Variants in CSTF3 observed in about 807,000 individuals in gnomAD.
CSTF3 encodes CF-1 77 kDa subunit.
A neutral mutation model predicts 105.8 loss-of-function variants in CSTF3; 29 were observed. The ratio of observed to expected loss-of-function variants is 0.27; its 90% confidence interval spans 0.20 to 0.37. The LOEUF is 0.37. Among genes scored for constraint, CSTF3 ranks in the 10% least tolerant of loss-of-function variants. The pLI is 1.00. For synonymous variants in CSTF3, 252 were observed against 281.9 expected (o/e 0.89, Z 1.06); for missense variants, 357 against 879.3 (o/e 0.41, Z 7.51).
intron 1 of CSTF3, among the ~76,000 whole-genome samples, chr11:33,148,878 T>TA (rs370947203): frequency 2.0e-5 from 3 of 146,412 alleles, no homozygotes; most frequent in African/African-American, 8.1e-5. Context: ...TTTTTTTTTT[T>TA]AAAGAGACAG....
intron 3 of CSTF3, among the ~76,000 whole-genome samples, chr11:33,122,948 AAAAG>A (rs1204673391): frequency 6.7e-6 from 1 of 148,760 alleles, no homozygotes; most frequent in Non-Finnish European, 1.5e-5. Context: ...AAGAAAAAAG[AAAAG>A]AAAAGTATGT....
chr11:33,152,956 CAA>C (rs536758629), intron 1 of CSTF3, among the ~76,000 whole-genome samples: 1 of 133,634 alleles, frequency 7.5e-6, no homozygotes, highest in Admixed American at 7.6e-5. Flanking sequence ...ACTCCGCCTC[CAA>C]AAAAAAAAAT....
intron 8 of CSTF3, among the ~76,000 whole-genome samples, chr11:33,105,048 C>A (rs1855314524): frequency 6.6e-6 from 1 of 152,168 alleles, no homozygotes. Flanking sequence ...CATGCCCAGC[C>A]AAGGAACTTC....
chr11:33,110,184 G>A (rs571282108), intron 3 of CSTF3, among the ~76,000 whole-genome samples: 146 of 152,282 alleles, frequency 9.6e-4, no homozygotes, highest in Non-Finnish European at 1.0e-3. Flanking sequence ...CCTATTCACT[G>A]AAGCTGTGTT....
chr11:33,095,596 C>T (rs1001057035), intron 15 of CSTF3, among the ~76,000 whole-genome samples: 44 of 151,284 alleles, frequency 2.9e-4, no homozygotes, highest in Non-Finnish European at 3.5e-4. Flanking sequence ...CCGAGGCGGG[C>T]GGATCACGAG....
At chr11:33,094,273 A>G (rs1049205111) in intron 15 of CSTF3, among the ~76,000 whole-genome samples, 10 of 152,232 alleles carry the variant, frequency 6.6e-5, no homozygotes, top group African/African-American at 2.4e-4. Flanking sequence ...TATTCTTATT[A>G]TGACCATTAT....
rs191569607 is a variant in CSTF3 at position 33,152,034 on chromosome 11, T to C, written c.27+9265A>G. ...TCAAATATTTTGCCCATTTAAAAAC[T>C]GGACTTATCAGGAGTTTGAGACCAG... On this transcript the variant is annotated intron_variant, in intron 1 of 20. Coordinates refer to ENST00000323959, the MANE Select transcript of CSTF3 (RefSeq NM_001326.3). Among the ~76,000 whole-genome samples the C allele has an allele frequency of 3.9e-5, 6 of 152,284 alleles. No homozygotes were observed. In the South Asian group the frequency reaches 8.3e-4, roughly 21 times the overall value.
At chr11:33,095,062 C>T (rs779636153) in intron 15 of CSTF3, among the ~76,000 whole-genome samples, 1 of 152,112 alleles carries the variant, frequency 6.6e-6, no homozygotes, top group Non-Finnish European at 1.5e-5. Flanking sequence ...CCACGCCCAG[C>T]TAATTTTTTA....
At chr11:33,110,681 A>G (rs1316132153) in intron 3 of CSTF3, among the ~76,000 whole-genome samples, 1 of 152,248 alleles carries the variant, frequency 6.6e-6, no homozygotes, top group East Asian at 1.9e-4. Flanking sequence ...GTTAAAAGCT[A>G]TATGACAATG....
At chr11:33,085,816 A>C in intron 19 of CSTF3, 43 bp from the exon 20 acceptor site, 1 of 1,594,520 alleles carries the variant, frequency 6.3e-7, no homozygotes, top group Non-Finnish European at 8.6e-7. Context: ...TAATCTGACA[A>C]GTTAAAGTAG....
At position 33,133,345 on chromosome 11, in the gene CSTF3, C is replaced by T. The variant is rs79049888; in HGVS notation, c.225+8322G>A. The stretch of plus-strand genomic sequence containing the variant: ...ACAATATTTAGTCTCAAATTATCTC[C>T]CCATTATTTTTTCTATTAATTATCA... On this transcript the variant is annotated intron_variant, in intron 3 of 20. Transcript: ENST00000323959. 5.3e-3 allele frequency among the ~76,000 whole-genome samples: 812 copies of T among 152,244 alleles called. 8 individuals carry two copies. The highest frequency in any genetic ancestry group is 0.019 in the African/African-American group (775 of 41,552).
Position 33,141,873 on chromosome 11 carries a change from A to T in CSTF3, c.129+12T>A. The T allele has an allele frequency of 6.3e-7, 1 of 1,585,262 alleles. No homozygotes were observed. The highest frequency in any genetic ancestry group is 8.6e-7 in the Non-Finnish European group (1 of 1,169,542). The stretch of plus-strand genomic sequence containing the variant: ...CCCATAGAGAAGGAAATGTAATCCT[A>T]TATCACTAAACCTGTGCCTCTCGAA... On this transcript the variant is annotated intron_variant, in intron 2 of 20. Coordinates refer to ENST00000323959, the MANE Select transcript of CSTF3 (RefSeq NM_001326.3).
At chr11:33,132,896 AAATC>A (rs1349430941) in intron 3 of CSTF3, among the ~76,000 whole-genome samples, 3 of 152,100 alleles carry the variant, frequency 2.0e-5, no homozygotes, top group Non-Finnish European at 2.9e-5. Flanking sequence ...TTGGTCAAGT[AAATC>A]AATATAGATA....
At chr11:33,109,568 T>C (rs1278661027) in intron 3 of CSTF3, among the ~76,000 whole-genome samples, 1 of 152,206 alleles carries the variant, frequency 6.6e-6, no homozygotes, top group Non-Finnish European at 1.5e-5. Context: ...CTACTTAACC[T>C]CTTTTTCCCT....
intron 1 of CSTF3, among the ~76,000 whole-genome samples, chr11:33,158,902 C>A (rs1230887707): frequency 6.6e-6 from 1 of 152,012 alleles, no homozygotes; most frequent in Non-Finnish European, 1.5e-5. Context: ...TTCGAATAGA[C>A]AACAGCCCCA....
rs1855113306 is a variant in CSTF3 at position 33,087,116 on chromosome 11, G to C, written c.1667C>G (p.Ala556Gly). The C allele has an allele frequency of 1.2e-6, 2 of 1,614,104 alleles. No individual in the cohort carries two copies. The change falls in exon 18 of 21, where the codon GCT (alanine) becomes GGT (glycine). Residue 556 changes from alanine (A) to glycine (G), a missense_variant. This residue lies in a region of CSTF3 where 206 missense variants were observed against 576.5 expected (regional missense o/e 0.36). Transcript: ENST00000323959. ...AGCTACAACTGGGTCCGGAATTATA[G>C]CTGCTAGCTTAGCACGGGAGACATC... ...YKDVSRAKLA[A>G]IIPDPVVAPS...
chr11:33,098,911 G>C, intron 12 of CSTF3, 123 bp downstream of exon 12: 1 of 1,401,832 alleles, frequency 7.1e-7, no homozygotes, highest in Non-Finnish European at 9.6e-7. Flanking sequence ...ACTAATAACT[G>C]TTCATTTGGC....
chr11:33,093,687 A>T (rs1445314027), intron 15 of CSTF3, among the ~76,000 whole-genome samples: 1 of 151,998 alleles, frequency 6.6e-6, no homozygotes, highest in East Asian at 1.9e-4. Flanking sequence ...CTTACACCAC[A>T]ACTCATTTTG....
intron 1 of CSTF3, among the ~76,000 whole-genome samples, chr11:33,150,573 G>A (rs1855847370): frequency 6.6e-6 from 1 of 151,980 alleles, no homozygotes; most frequent in African/African-American, 2.4e-5. Context: ...AGAAGGTAGG[G>A]GGGCCAGGCA....
Sources: allele counts gnomAD v4.1 joint callset (sites outside exome capture counted in the v4.1 genomes callset), GRCh38; gene constraint gnomAD v4.1.1; regional missense constraint gnomAD v4.1.1; transcripts MANE v1.5; gene names NCBI Gene and HGNC (gene_info 2026-07-23, HGNC 2026-07-21).